Variants in LRSAM1 observed in about 807,000 individuals in gnomAD.
The protein encoded by LRSAM1 is leucine rich repeat and sterile alpha motif containing 1, also known as E3 ubiquitin-protein ligase LRSAM1.
LRSAM1 carries 96 observed loss-of-function variants against 118.1 expected under a neutral mutation model. That is an observed-to-expected ratio of 0.81 (90% CI 0.69 to 0.96). The LOEUF (loss-of-function observed/expected upper bound fraction) is 0.96. Ranked by LOEUF, LRSAM1 falls within the 40% of genes least tolerant of loss-of-function variation. LRSAM1 has a pLI of 0.00. For synonymous variants in LRSAM1, 322 were observed against 364.2 expected (o/e 0.88, Z 1.32); for missense variants, 804 against 915.5 (o/e 0.88, Z 1.57).
At position 127,487,690 on chromosome 9, in the gene LRSAM1, A is replaced by G. The variant is rs1319532452; in HGVS notation, c.1274A>G (p.Asp425Gly). ...CTTTCTGGCAGCATGGCCGAAATGG[A>G]TGAACGATTCCAGCAGATTCTGTCG... The part of the protein sequence containing the change: ...QQACSSMAEM[D>G]ERFQQILSWQ... Residue 425 changes from aspartate to glycine, a missense_variant, in exon 18 of 26, where the codon GAT becomes GGT. Physicochemically the swap from Asp to Gly is moderately conservative, Grantham distance 94 (BLOSUM62 -1). Coordinates refer to ENST00000300417, the MANE Select transcript of LRSAM1 (RefSeq NM_001005373.4). 3 of 1,613,618 alleles carry G rather than the reference A, an allele frequency of 1.9e-6. No homozygotes were observed. The African/African-American group carries it at 4.0e-5, about 22-fold the overall frequency.
At chr9:127,474,579 G>T (rs559383934) in intron 11 of LRSAM1, among the ~76,000 whole-genome samples, 19 of 152,320 alleles carry the variant, frequency 1.2e-4, no homozygotes, top group Admixed American at 2.0e-4. Context: ...TATGGGAAAT[G>T]ATCTGTCTCA....
intron 11 of LRSAM1, among the ~76,000 whole-genome samples, chr9:127,474,525 T>G (rs901385718): frequency 6.6e-6 from 1 of 152,182 alleles, no homozygotes; most frequent in African/African-American, 2.4e-5. Context: ...CCCTGCACAG[T>G]TCCTTGGTAG....
At position 127,481,228 on chromosome 9, in the gene LRSAM1, G is replaced by C. The variant is rs765641195; in HGVS notation, c.1088+1G>C. The C allele has an allele frequency of 2.1e-5, 34 of 1,612,846 alleles. No individual in the cohort carries two copies. The Admixed American group carries it at 5.3e-4, about 25-fold the overall frequency. ...TTTTGAAATCGCTGGAAAATGAAAG[G>C]TAAGTGTTCTTCCAGGGGAGGGCAG... On this transcript the variant is annotated splice_donor_variant, in intron 15 of 25. Transcript: ENST00000300417. LOFTEE classifies it high-confidence loss of function.
chr9:127,503,007 C>T lies in LRSAM1; in HGVS notation c.*108C>T. On this transcript the variant is annotated 3_prime_UTR_variant, in exon 26 of 26. Coordinates refer to ENST00000300417, the MANE Select transcript of LRSAM1 (RefSeq NM_001005373.4). ...CAGACTCGTATGAGGCTCCCCCCTG[C>T]CCTGGGCCCCTTCCCCACTGCCCAG... 1 of 1,444,600 alleles carries T rather than the reference C, an allele frequency of 6.9e-7. No homozygotes were observed. The highest frequency in any genetic ancestry group is 9.4e-7 in the Non-Finnish European group (1 of 1,063,490). 89.5% of individuals were successfully genotyped at this position (1,444,600 alleles called of 1,614,324 possible). A position where few individuals can be genotyped will look rare whatever the true frequency, so the allele number is the denominator to read the frequency against.
At chr9:127,491,105 G>T in intron 19 of LRSAM1, 110 bp from the exon 20 acceptor site, 1 of 882,704 alleles carries the variant, frequency 1.1e-6, no homozygotes, top group Non-Finnish European at 1.9e-6. Context: ...AGCCTCCCCA[G>T]CCTCCCCAGA....
chr9:127,469,241 G>A (rs750765132), intron 10 of LRSAM1, among the ~76,000 whole-genome samples: 1 of 152,034 alleles, frequency 6.6e-6, no homozygotes, highest in Non-Finnish European at 1.5e-5. Context: ...AGGCTGAGGT[G>A]GGCAGATAAC....
At chr9:127,478,606 A>G (rs1054127212) in intron 11 of LRSAM1, among the ~76,000 whole-genome samples, 3 of 152,234 alleles carry the variant, frequency 2.0e-5, no homozygotes, top group African/African-American at 7.2e-5. Flanking sequence ...GCAGACATCC[A>G]TGGGCATCAG....
chr9:127,484,117 C>T (rs1299412244), intron 16 of LRSAM1, among the ~76,000 whole-genome samples: 1 of 151,952 alleles, frequency 6.6e-6, no homozygotes, highest in Non-Finnish European at 1.5e-5. Context: ...AATCAACATT[C>T]TACTTTCTGT....
rs1836116336 is a variant in LRSAM1 at position 127,495,890 on chromosome 9, A to G, written c.1699-74A>G. 2.5e-6 allele frequency: 4 copies of G among 1,580,464 alleles called. No homozygotes were observed. The Admixed American group carries it at 6.9e-5, about 27-fold the overall frequency. On this transcript the variant is annotated intron_variant, in intron 22 of 25. Coordinates refer to ENST00000300417, the MANE Select transcript of LRSAM1 (RefSeq NM_001005373.4). ...TATGTATTATGTTATAAATATTCAA[A>G]CCCTTCATTTCCTGTTGTAAACAGT...
intron 2 of LRSAM1, 28 bp from the exon 3 acceptor site, chr9:127,454,468 A>C: frequency 6.3e-7 from 1 of 1,580,104 alleles, no homozygotes; most frequent in Non-Finnish European, 8.7e-7. Flanking sequence ...CAAATTCCCC[A>C]GTCCCTAACT....
At chr9:127,484,794 TGA>T (rs1198958524) in intron 16 of LRSAM1, among the ~76,000 whole-genome samples, 68 of 141,360 alleles carry the variant, frequency 4.8e-4, no homozygotes, top group Middle Eastern at 3.6e-3. Flanking sequence ...TTTAATTTTT[TGA>T]TTTTTCTTTT....
intron 23 of LRSAM1, 34 bp downstream of exon 23, chr9:127,496,129 C>A (rs760485483): frequency 1.6e-5 from 26 of 1,602,304 alleles, no homozygotes; most frequent in Non-Finnish European, 2.1e-5. Context: ...AGGGGAGGGG[C>A]ACGCAAGGCC....
intron 10 of LRSAM1, among the ~76,000 whole-genome samples, chr9:127,472,643 A>AAAAT (rs769228833): frequency 1.6e-4 from 25 of 152,158 alleles, no homozygotes; most frequent in Non-Finnish European, 2.9e-4. Flanking sequence ...TCCATCTCAA[A>AAAAT]AAATAAATAA....
rs1324443410 is a variant in LRSAM1, at chr9:127,461,174, T to C, written c.323T>C (p.Val108Ala). The change falls in exon 8 of 26, where the codon GTC (valine) becomes GCC (alanine). Residue 108 changes from valine to alanine, a missense_variant and splice_region_variant. By Grantham distance (64) the Val-to-Ala change is moderately conservative. Coordinates refer to ENST00000300417, the MANE Select transcript of LRSAM1 (RefSeq NM_001005373.4). ...TGGCTGCCTCTTCCTCTTTCTTAGG[T>C]CTTAAACGTGGAAAGGAATCAACTG... ...DDLGQLTALQVLNVERNQLMQ... is the reference protein window; with the variant it reads ...DDLGQLTALQALNVERNQLMQ... 1 of 1,609,842 alleles carries C rather than the reference T, an allele frequency of 6.2e-7. No homozygotes were observed. The highest frequency in any genetic ancestry group is 8.5e-7 in the Non-Finnish European group (1 of 1,177,188).
chr9:127,479,419 C>T lies in LRSAM1; in HGVS notation c.817C>T (p.Arg273Cys), dbSNP rs1222346577. 3.7e-6 allele frequency: 6 copies of T among 1,614,028 alleles called. No homozygotes were observed. In the East Asian group the frequency reaches 6.7e-5, roughly 18 times the overall value. Residue 273 changes from arginine to cysteine, a missense_variant, in exon 13 of 26, where the codon CGC becomes TGC. By Grantham distance (180) the Arg-to-Cys change is radical. Transcript: ENST00000300417. ...KMLEKLEFER[R>C]LELGQREHTQ... The stretch of plus-strand genomic sequence containing the variant: ...GCTGGAGAAACTCGAGTTTGAACGG[C>T]GCCTGGAACTGGGGCAGCGGGAGCA...
intron 15 of LRSAM1, among the ~76,000 whole-genome samples, chr9:127,482,067 A>G (rs776477474): frequency 2.6e-5 from 4 of 152,098 alleles, no homozygotes; most frequent in African/African-American, 9.7e-5. Context: ...AATATTTCTC[A>G]TTAAGGGAAA....
chr9:127,454,931 G>C, intron 3 of LRSAM1, 67 bp from the exon 4 acceptor site: 1 of 1,450,488 alleles, frequency 6.9e-7, no homozygotes, highest in South Asian at 1.1e-5. Flanking sequence ...TATGTTCTTT[G>C]CCTGGCTTGT....
In LRSAM1 at chr9:127,497,286, A is replaced by G. The variant is rs1836186573; in HGVS notation, c.1864A>G (p.Ile622Val). Reference sequence around the variant, plus strand: ...CTCAGAAGCTGGCCTGCAGCACGAGATCCTCCGGAGAGTCCAGGAACTGCT... The same window carrying G: ...CTCAGAAGCTGGCCTGCAGCACGAGGTCCTCCGGAGAGTCCAGGAACTGCT... The part of the protein sequence containing the change: ...GVSEAGLQHE[I>V]LRRVQELLDA... The change falls in exon 24 of 26, where the codon ATC becomes GTC. Residue 622 changes from isoleucine (I) to valine (V), a missense_variant. By Grantham distance (29) the Ile-to-Val change is conservative. Coordinates refer to ENST00000300417, the MANE Select transcript of LRSAM1 (RefSeq NM_001005373.4). 1.9e-6 allele frequency: 3 copies of G among 1,613,106 alleles called. No homozygotes were observed. The highest frequency in any genetic ancestry group is 1.3e-5 in the African/African-American group (1 of 75,028).
intron 25 of LRSAM1, among the ~76,000 whole-genome samples, chr9:127,502,355 G>GC (rs1008887095): frequency 2.0e-5 from 3 of 152,156 alleles, no homozygotes; most frequent in African/African-American, 7.2e-5. Flanking sequence ...ATGCCCGAAG[G>GC]CCCCACTATC....
Sources: gnomAD v4.1 joint callset for allele counts (sites outside exome capture counted in the v4.1 genomes callset) on GRCh38, gnomAD v4.1.1 for gene constraint, MANE v1.5 for transcripts, NCBI Gene and HGNC (gene_info 2026-07-23, HGNC 2026-07-21) for gene names.